Variants in PPFIA2 observed in about 807,000 individuals in gnomAD.
PPFIA2 encodes the protein liprin-alpha-2.
PPFIA2 carries 46 observed loss-of-function variants against 175.5 expected under a neutral mutation model. The observed-to-expected ratio is 0.26, with a 90% CI of 0.21 to 0.34. PPFIA2 has a LOEUF of 0.34. Ranked by LOEUF, PPFIA2 falls within the 10% of genes least tolerant of loss-of-function variation. The pLI is 1.00. For synonymous variants in PPFIA2, 568 were observed against 511.4 expected (o/e 1.11, Z -1.49); for missense variants, 1,179 against 1,506.1 (o/e 0.78, Z 3.60).
intron 8 of PPFIA2, among the ~76,000 whole-genome samples, chr12:81,385,831 C>T (rs1016325547): frequency 1.8e-4 from 28 of 152,032 alleles, no homozygotes; most frequent in African/African-American, 6.3e-4. Context: ...TAATACATTG[C>T]TAGAAGAGTA....
intron 22 of PPFIA2, among the ~76,000 whole-genome samples, chr12:81,324,840 A>G (rs1007045158): frequency 5.3e-5 from 8 of 152,048 alleles, no homozygotes; most frequent in Non-Finnish European, 8.8e-5. Context: ...AGTAACTAGC[A>G]AACTAATAAA....
At chr12:81,374,510 C>A (rs2035911530) in intron 11 of PPFIA2, 124 bp downstream of exon 11, 3 of 1,088,300 alleles carry the variant, frequency 2.8e-6, no homozygotes, top group Non-Finnish European at 2.5e-6. Flanking sequence ...TTAATAACAG[C>A]TCAATATAAT....
At chr12:81,580,105 C>T (rs1169404057) in intron 4 of PPFIA2, among the ~76,000 whole-genome samples, 2 of 151,748 alleles carry the variant, frequency 1.3e-5, no homozygotes, top group African/African-American at 4.8e-5. Context: ...TATTAAGGAA[C>T]AAAGTATTTC....
At chr12:81,266,779 C>G (rs2037398238) in intron 30 of PPFIA2, among the ~76,000 whole-genome samples, 173 bp downstream of exon 30, 1 of 152,050 alleles carries the variant, frequency 6.6e-6, no homozygotes. Flanking sequence ...ATAGCTCTTT[C>G]CAAAATTAAG....
intron 4 of PPFIA2, among the ~76,000 whole-genome samples, chr12:81,590,553 T>C (rs1008153038): frequency 6.6e-6 from 1 of 152,120 alleles, no homozygotes; most frequent in Non-Finnish European, 1.5e-5. Flanking sequence ...CCCACCCAAA[T>C]CTCACCTTGA....
intron 4 of PPFIA2, among the ~76,000 whole-genome samples, chr12:81,490,260 A>G (rs1292116566): frequency 1.3e-5 from 2 of 151,922 alleles, no homozygotes; most frequent in African/African-American, 4.8e-5. Context: ...TTTCCTGCGA[A>G]TATTGCTTTG....
intron 3 of PPFIA2, among the ~76,000 whole-genome samples, chr12:81,690,093 C>CAAG (rs1384501436): frequency 2.6e-5 from 4 of 152,086 alleles, no homozygotes; most frequent in Non-Finnish European, 5.9e-5. Flanking sequence ...CCACTCAAAG[C>CAAG]AAGAATATAG....
intron 4 of PPFIA2, among the ~76,000 whole-genome samples, chr12:81,536,169 A>G (rs2065343964): frequency 1.3e-5 from 2 of 151,782 alleles, no homozygotes; most frequent in Admixed American, 1.3e-4. Context: ...TCAAAATCAC[A>G]ACAAAGCTGA....
chr12:81,383,711 T>G lies in PPFIA2; in HGVS notation c.984+312A>C, dbSNP rs373934739. On this transcript the variant is annotated intron_variant, in intron 9 of 32. Transcript: ENST00000549396. ...TGCTAAGAGTATAGCAATTCATGATTCATACACATATCTAGAGTTATTTAA... is the reference window on the plus strand; with the variant it reads ...TGCTAAGAGTATAGCAATTCATGATGCATACACATATCTAGAGTTATTTAA... Among the ~76,000 whole-genome samples the G allele has an allele frequency of 3.3e-5, 5 of 152,274 alleles. No homozygotes were observed. In the East Asian group the frequency reaches 7.7e-4, roughly 24 times the overall value.
chr12:81,716,993 A>C (rs1304483993), intron 3 of PPFIA2, among the ~76,000 whole-genome samples: 1 of 151,658 alleles, frequency 6.6e-6, no homozygotes, highest in Non-Finnish European at 1.5e-5. Flanking sequence ...TTGTTGAACT[A>C]AAGACATTTC....
chr12:81,614,399 C>T (rs1432960816), intron 4 of PPFIA2, among the ~76,000 whole-genome samples: 1 of 151,992 alleles, frequency 6.6e-6, no homozygotes, highest in Admixed American at 6.6e-5. Context: ...CATGCAAGGA[C>T]TTTAGGATAA....
intron 28 of PPFIA2, among the ~76,000 whole-genome samples, chr12:81,268,481 GT>G (rs2038102461): frequency 6.6e-6 from 1 of 152,142 alleles, no homozygotes; most frequent in South Asian, 2.1e-4. Context: ...TGAGCCATGG[GT>G]ATCTGGCCAG....
intron 24 of PPFIA2, among the ~76,000 whole-genome samples, chr12:81,289,846 T>G (rs1053408606): frequency 5.3e-5 from 8 of 151,826 alleles, no homozygotes; most frequent in African/African-American, 1.9e-4. Flanking sequence ...TGTTACATCC[T>G]TCTTCAACCA....
Position 81,656,704 on chromosome 12 carries a change from G to T in PPFIA2, c.303+20087C>A, listed in dbSNP as rs529969481. On this transcript the variant is annotated intron_variant, in intron 4 of 32. Coordinates refer to ENST00000549396, the MANE Select transcript of PPFIA2 (RefSeq NM_003625.5). The stretch of plus-strand genomic sequence containing the variant: ...TGAGTAAAATATAAGAATATCCAGA[G>T]AATTTATTATATAAATGATTTAGTT... 4.0e-5 allele frequency among the ~76,000 whole-genome samples: 6 copies of T among 151,786 alleles called. No individual in the cohort carries two copies. In the East Asian group the frequency reaches 7.7e-4, roughly 20 times the overall value.
intron 4 of PPFIA2, among the ~76,000 whole-genome samples, chr12:81,498,772 A>C (rs1171455636): frequency 1.3e-5 from 2 of 152,024 alleles, no homozygotes; most frequent in Non-Finnish European, 2.9e-5. Flanking sequence ...TTACAGGCAC[A>C]CACCACCATG....
chr12:81,454,984 G>A (rs1198668663), intron 5 of PPFIA2, among the ~76,000 whole-genome samples: 3 of 152,106 alleles, frequency 2.0e-5, no homozygotes, highest in African/African-American at 4.8e-5. Context: ...GAGCAGCTGA[G>A]GTTACAGGCA....
intron 4 of PPFIA2, among the ~76,000 whole-genome samples, chr12:81,638,710 C>T (rs1280193387): frequency 3.0e-5 from 2 of 66,448 alleles, no homozygotes; most frequent in Non-Finnish European, 4.8e-5. Flanking sequence ...TTTTTTGAGA[C>T]GGAGTCTCGC....
chr12:81,608,852 T>A (rs911680903), intron 4 of PPFIA2, among the ~76,000 whole-genome samples: 3 of 152,016 alleles, frequency 2.0e-5, no homozygotes, highest in African/African-American at 7.2e-5. Flanking sequence ...TTCTTCTTTT[T>A]ATTTTTCCTA....
At chr12:81,561,664 CT>C (rs1200682712) in intron 4 of PPFIA2, among the ~76,000 whole-genome samples, 4 of 152,130 alleles carry the variant, frequency 2.6e-5, no homozygotes, top group Admixed American at 2.6e-4. Flanking sequence ...TTACAAATCA[CT>C]TTTTTTAAAT....
Sources: gnomAD v4.1 joint callset for allele counts (sites outside exome capture counted in the v4.1 genomes callset) on GRCh38, gnomAD v4.1.1 for gene constraint, MANE v1.5 for transcripts, NCBI Gene and HGNC (gene_info 2026-07-23, HGNC 2026-07-21) for gene names.